Variants in NEK11 observed in about 807,000 individuals in gnomAD.
NEK11 encodes serine/threonine-protein kinase Nek11.
In NEK11, 72 loss-of-function variants were observed where a neutral mutation model predicts 80.7. The observed-to-expected ratio is 0.89, with a 90% CI of 0.74 to 1.08. The LOEUF (loss-of-function observed/expected upper bound fraction) is 1.08, where lower values mean the gene tolerates loss of function less well. Among genes scored for constraint, NEK11 ranks in the 50% least tolerant of loss-of-function variants. The probability of loss-of-function intolerance (pLI) is 0.00; values close to 1 mark genes in which losing one functional copy is unlikely to be tolerated. For synonymous variants in NEK11, 251 were observed against 260.7 expected (o/e 0.96, Z 0.36); for missense variants, 764 against 763.6 (o/e 1.00, Z -0.01).
chr3:131,334,181 C>T (rs1210972972), intron 17 of NEK11, among the ~76,000 whole-genome samples: 1 of 152,186 alleles, frequency 6.6e-6, no homozygotes, highest in African/African-American at 2.4e-5. Flanking sequence ...TTCAGCACCA[C>T]ACCACACCTA....
chr3:131,332,406 C>G (rs1281259564), intron 17 of NEK11, among the ~76,000 whole-genome samples: 1 of 152,190 alleles, frequency 6.6e-6, no homozygotes, highest in Non-Finnish European at 1.5e-5. Flanking sequence ...AGCTGAGGGT[C>G]CTGTCTGTTA....
chr3:131,168,380 G>T (rs1190246637), intron 12 of NEK11, among the ~76,000 whole-genome samples: 1 of 146,128 alleles, frequency 6.8e-6, no homozygotes, highest in Non-Finnish European at 1.5e-5. Context: ...TTTTTGAGAC[G>T]GAGTCTCGCT....
chr3:131,120,075 G>T (rs1421058355), intron 5 of NEK11, among the ~76,000 whole-genome samples: 1 of 152,132 alleles, frequency 6.6e-6, no homozygotes, highest in Non-Finnish European at 1.5e-5. Context: ...TCCTAGCATC[G>T]ATGGTCTTTA....
intron 10 of NEK11, among the ~76,000 whole-genome samples, chr3:131,156,162 T>C (rs942160137): frequency 4.6e-5 from 7 of 152,220 alleles, no homozygotes; most frequent in Non-Finnish European, 8.8e-5. Flanking sequence ...TTTTACATTA[T>C]GAAATATTGA....
At chr3:131,075,643 G>A (rs1048923966) in intron 3 of NEK11, among the ~76,000 whole-genome samples, 7 of 152,104 alleles carry the variant, frequency 4.6e-5, no homozygotes, top group Admixed American at 1.3e-4. Context: ...AAGAATTACC[G>A]CAGCCTTAAA....
chr3:131,174,012 G>T (rs961875004), intron 14 of NEK11, among the ~76,000 whole-genome samples: 1 of 151,932 alleles, frequency 6.6e-6, no homozygotes, highest in Non-Finnish European at 1.5e-5. Context: ...AAACATTTCC[G>T]TTATTTTTTC....
intron 7 of NEK11, among the ~76,000 whole-genome samples, chr3:131,139,697 C>T (rs1225391274): frequency 6.6e-6 from 1 of 152,156 alleles, no homozygotes; most frequent in Non-Finnish European, 1.5e-5. Context: ...GTTGTGTTAA[C>T]AAGTTCTTAT....
intron 5 of NEK11, among the ~76,000 whole-genome samples, chr3:131,115,924 T>TTCTC (rs2080998551): frequency 9.6e-6 from 1 of 104,654 alleles, no homozygotes; most frequent in Non-Finnish European, 2.0e-5. Context: ...CTTTCTTTCT[T>TTCTC]TCTTTCTTTC....
In NEK11 at chr3:131,080,510, G is replaced by T. The variant is rs1275039830; in HGVS notation, c.258G>T (p.Leu86=). 3.1e-6 allele frequency: 5 copies of T among 1,614,022 alleles called. No individual in the cohort carries two copies. Among genetic ancestry groups the T allele is most frequent in the Admixed American group, 3.3e-5 (2 of 60,000 alleles). ...TGGAAGCCCAACTCCTCTCCAAGCT[G>T]GACCACCCAGCCATTGTCAAGTTCC... ...ANLEAQLLSK[L]DHPAIVKFHA... is the part of the protein sequence containing the mutation. Residue 86 remains leucine (L), a synonymous_variant, in exon 4 of 18, where the codon CTG becomes CTT. Transcript: ENST00000383366.
At position 131,162,528 on chromosome 3, in the gene NEK11, G is replaced by A. The variant is rs757111745; in HGVS notation, c.1082+1G>A. 6.2e-6 allele frequency: 10 copies of A among 1,613,866 alleles called. No homozygotes were observed. Among genetic ancestry groups the A allele is most frequent in the Non-Finnish European group, 7.6e-6 (9 of 1,179,940 alleles). On this transcript the variant is annotated splice_donor_variant, in intron 11 of 17. Coordinates refer to ENST00000383366, the MANE Select transcript of NEK11 (RefSeq NM_024800.5). LOFTEE classifies it high-confidence loss of function. Reference sequence around the variant, plus strand: ...CTGATGAGAAAGCCAGGAAGCTGAAGTAAGCTGCTTTTCCTTTAGGCACTC... The same window carrying A: ...CTGATGAGAAAGCCAGGAAGCTGAAATAAGCTGCTTTTCCTTTAGGCACTC...
chr3:131,112,486 TAG>T (rs2080295430), intron 5 of NEK11, among the ~76,000 whole-genome samples: 1 of 152,158 alleles, frequency 6.6e-6, no homozygotes, highest in South Asian at 2.1e-4. Context: ...TTAATCTGGA[TAG>T]AGGATTACAA....
intron 3 of NEK11, among the ~76,000 whole-genome samples, chr3:131,032,116 C>T (rs982167919): frequency 6.6e-6 from 1 of 152,042 alleles, no homozygotes; most frequent in African/African-American, 2.4e-5. Context: ...CATGCACCAC[C>T]ACACCTGGCT....
At chr3:131,339,010 T>C (rs1401017043) in intron 17 of NEK11, among the ~76,000 whole-genome samples, 2 of 151,972 alleles carry the variant, frequency 1.3e-5, no homozygotes, top group Non-Finnish European at 2.9e-5. Context: ...TTAAAAAATA[T>C]ATAAAAAATA....
intron 15 of NEK11, among the ~76,000 whole-genome samples, chr3:131,243,145 CGAA>C (rs1203161752): frequency 6.6e-6 from 1 of 152,016 alleles, no homozygotes; most frequent in Non-Finnish European, 1.5e-5. Context: ...CATAAGCACA[CGAA>C]GGAGACAATA....
intron 4 of NEK11, among the ~76,000 whole-genome samples, chr3:131,090,888 G>T (rs765446450): frequency 1.3e-5 from 2 of 152,080 alleles, no homozygotes; most frequent in Admixed American, 6.6e-5. Context: ...CTCCACGCTC[G>T]CAAGCAGCTG....
chr3:131,206,336 A>G (rs1270052785), intron 14 of NEK11, among the ~76,000 whole-genome samples: 2 of 152,250 alleles, frequency 1.3e-5, no homozygotes, highest in African/African-American at 4.8e-5. Flanking sequence ...GCTGTAAGAT[A>G]TAGTAGTTGC....
rs148495024 is a variant in NEK11 at position 131,187,531 on chromosome 3, A to G, written c.1399+16644A>G. ...ACTGAAATTCTCAAATACTGACAAC[A>G]TGTGTCAATAACTCTTCTCCTTTTT... On this transcript the variant is annotated intron_variant, in intron 14 of 17. Coordinates refer to ENST00000383366, the MANE Select transcript of NEK11 (RefSeq NM_024800.5). Among the ~76,000 whole-genome samples, 1,239 of 152,330 alleles carry G rather than the reference A, an allele frequency of 8.1e-3. 22 individuals carry two copies. Among genetic ancestry groups the G allele is most frequent in the African/African-American group, 0.028 (1,172 of 41,580 alleles).
At chr3:131,311,384 T>C (rs780796958) in intron 17 of NEK11, among the ~76,000 whole-genome samples, 3 of 152,200 alleles carry the variant, frequency 2.0e-5, no homozygotes, top group Non-Finnish European at 4.4e-5. Context: ...TTTGTATCCA[T>C]TAACCAACCT....
At chr3:131,057,487 A>G (rs1274120721) in intron 3 of NEK11, among the ~76,000 whole-genome samples, 1 of 150,464 alleles carries the variant, frequency 6.6e-6, no homozygotes, top group African/African-American at 2.4e-5. Context: ...TGGTTGAACT[A>G]GTTTACAGTC....
Sources: gnomAD v4.1 joint callset for allele counts (sites outside exome capture counted in the v4.1 genomes callset) on GRCh38, gnomAD v4.1.1 for gene constraint, MANE v1.5 for transcripts, NCBI Gene and HGNC (gene_info 2026-07-23, HGNC 2026-07-21) for gene names.